PDE4D: variants seen among roughly 807,000 people sequenced by gnomAD.
The protein encoded by PDE4D is 3',5'-cyclic-AMP phosphodiesterase 4D.
Under a neutral mutation model 87.4 loss-of-function variants are expected in PDE4D, and 24 were observed. The observed-to-expected ratio is 0.27, with a 90% confidence interval of 0.20 to 0.39. The LOEUF (loss-of-function observed/expected upper bound fraction) is 0.39, where lower values mean the gene tolerates loss of function less well. Among genes scored for constraint, PDE4D ranks in the 10% least tolerant of loss-of-function variants. PDE4D has a pLI of 1.00. For synonymous variants in PDE4D, 384 were observed against 383.2 expected, an observed-to-expected ratio of 1.00 and a Z score of -0.02; for missense variants, 714 against 1,041.0, an observed-to-expected ratio of 0.69 and a Z score of 4.32.
At chr5:59,315,882 A>G (rs1159043958) in intron 1 of PDE4D, among the ~76,000 whole-genome samples, 1 of 152,188 alleles carries the variant, frequency 6.6e-6, no homozygotes, top group Non-Finnish European at 1.5e-5. Context: ...CAGCTGGCCC[A>G]AAAGGAAGTA....
At chr5:60,364,617 C>T (rs897194152) in intron 1 of PDE4D, among the ~76,000 whole-genome samples, 1 of 151,774 alleles carries the variant, frequency 6.6e-6, no homozygotes, top group South Asian at 2.1e-4. Flanking sequence ...TTTTCTCAAG[C>T]AAAAAAATAA....
At position 59,251,650 on chromosome 5, in the gene PDE4D, G is replaced by A. The variant is rs189793021; in HGVS notation, c.456-35682C>T. Among the ~76,000 whole-genome samples the A allele has an allele frequency of 3.6e-3, 550 of 152,144 alleles. 3 individuals carry two copies. Among genetic ancestry groups the A allele is most frequent in the Non-Finnish European group, 5.0e-3 (340 of 67,970 alleles). On this transcript the variant is annotated intron_variant, in intron 1 of 14. Transcript: ENST00000340635. ...TCAAAGAGCTAAGAGCAGAACTACC[G>A]TTTGACCATGCAATCCTATTACTGG...
chr5:60,318,991 TTG>T lies in PDE4D; in HGVS notation c.-89-133306_-89-133305del, dbSNP rs1367781077. Among the ~76,000 whole-genome samples the T allele has an allele frequency of 3.3e-5, 5 of 152,310 alleles. No homozygotes were observed. In the East Asian group the frequency reaches 9.6e-4, roughly 29 times the overall value. Reference sequence around the variant, plus strand: ...GAGTTGCACTTCTTGAGGAGTATCTTTGTAGCATTTTCTGTATTTCCTGAATT... The same window carrying T: ...GAGTTGCACTTCTTGAGGAGTATCTTTAGCATTTTCTGTATTTCCTGAATT... On this transcript the variant is annotated intron_variant, in intron 1 of 16. Transcript: ENST00000502484.
chr5:59,481,438 C>T (rs1804234408), intron 1 of PDE4D, among the ~76,000 whole-genome samples: 1 of 151,980 alleles, frequency 6.6e-6, no homozygotes. Context: ...GCCATATGTC[C>T]TGAATATATC....
chr5:59,821,280 A>G (rs1581257211), intron 1 of PDE4D, among the ~76,000 whole-genome samples: 1 of 149,786 alleles, frequency 6.7e-6, no homozygotes. Flanking sequence ...ACAACAAAAG[A>G]AAAAGAAATA....
intron 5 of PDE4D, among the ~76,000 whole-genome samples, chr5:59,082,510 T>A (rs1465368825): frequency 6.6e-6 from 1 of 152,094 alleles, no homozygotes; most frequent in Non-Finnish European, 1.5e-5. Context: ...TCAAACATTA[T>A]AAAGCATGTA....
chr5:59,283,684 T>C (rs1766289063), intron 1 of PDE4D, among the ~76,000 whole-genome samples: 1 of 152,122 alleles, frequency 6.6e-6, no homozygotes, highest in East Asian at 1.9e-4. Context: ...CCCTGCTAAG[T>C]ATATTTCCTA....
At chr5:60,135,440 C>T (rs1278129852) in intron 2 of PDE4D, among the ~76,000 whole-genome samples, 1 of 152,016 alleles carries the variant, frequency 6.6e-6, no homozygotes, top group African/African-American at 2.4e-5. Context: ...TGCCTACAGG[C>T]ATATCTCATG....
At chr5:60,310,948 T>A (rs1169048766) in intron 1 of PDE4D, among the ~76,000 whole-genome samples, 6 of 152,070 alleles carry the variant, frequency 3.9e-5, no homozygotes, top group Admixed American at 1.3e-4. Flanking sequence ...TCCCCATACA[T>A]AGGAAATATG....
rs560373377 is a variant in PDE4D, at chr5:59,936,408, G to A, written c.272+52080C>T. On this transcript the variant is annotated intron_variant, in intron 3 of 16. Coordinates refer to the PDE4D transcript ENST00000502484. ...ACTTCAGTCCCATTCTAGACTCCCT[G>A]ATCAGCATCTGAATTTTAATGTGAT... 4.6e-5 allele frequency among the ~76,000 whole-genome samples: 7 copies of A among 152,172 alleles called. No individual in the cohort carries two copies. The East Asian group carries it at 1.2e-3, about 25-fold the overall frequency.
intron 1 of PDE4D, among the ~76,000 whole-genome samples, chr5:60,296,308 G>T (rs138082512): frequency 1.3e-3 from 203 of 152,270 alleles, no homozygotes; most frequent in Middle Eastern, 6.8e-3. Flanking sequence ...GGGCCTCTAG[G>T]CTTTCCATAG....
chr5:60,221,510 A>G (rs1315688338), intron 1 of PDE4D, among the ~76,000 whole-genome samples: 1 of 152,016 alleles, frequency 6.6e-6, no homozygotes, highest in Non-Finnish European at 1.5e-5. Flanking sequence ...TATAATTTAC[A>G]TATAATCTTC....
At chr5:60,433,652 C>T (rs375893626) in intron 1 of PDE4D, among the ~76,000 whole-genome samples, 41 of 152,214 alleles carry the variant, frequency 2.7e-4, no homozygotes, top group African/African-American at 9.9e-4. Flanking sequence ...TTCACAATAA[C>T]AAAGACAAGG....
intron 1 of PDE4D, among the ~76,000 whole-genome samples, chr5:59,776,666 C>A (rs1268917993): frequency 6.6e-6 from 1 of 151,982 alleles, no homozygotes; most frequent in East Asian, 1.9e-4. Flanking sequence ...TATTTGAAAT[C>A]AAAGCATTGT....
chr5:59,478,555 CTATT>C (rs1321949269), intron 1 of PDE4D, among the ~76,000 whole-genome samples: 4 of 152,024 alleles, frequency 2.6e-5, no homozygotes, highest in Non-Finnish European at 5.9e-5. Context: ...GAAAGATCCT[CTATT>C]TGTCAATAAT....
At chr5:60,441,016 A>G (rs1335921653) in intron 1 of PDE4D, among the ~76,000 whole-genome samples, 1 of 152,130 alleles carries the variant, frequency 6.6e-6, no homozygotes, top group East Asian at 1.9e-4. Context: ...AGAATGTGGC[A>G]TAATTGGACC....
intron 1 of PDE4D, among the ~76,000 whole-genome samples, chr5:59,456,445 G>A (rs1357957388): frequency 6.6e-6 from 1 of 152,156 alleles, no homozygotes; most frequent in Non-Finnish European, 1.5e-5. Flanking sequence ...TCCTAGCCAT[G>A]TGGAGCTGAG....
rs143517264 is a variant in PDE4D at position 60,181,085 on chromosome 5, T to C, written c.42+4472A>G. 8.8e-4 allele frequency among the ~76,000 whole-genome samples: 134 copies of C among 152,278 alleles called. 1 individual carries two copies. The East Asian group carries it at 0.024, about 27-fold the overall frequency. ...GAGGAAAAATGAATGCAGATAGCTC[T>C]GAAGTGCCATAACAAAATGTACCAT... is the stretch of plus-strand genomic sequence containing the variant. On this transcript the variant is annotated intron_variant, in intron 2 of 16. Coordinates refer to the PDE4D transcript ENST00000502484.
At chr5:59,963,872 A>G (rs1045883105) in intron 3 of PDE4D, among the ~76,000 whole-genome samples, 1 of 152,182 alleles carries the variant, frequency 6.6e-6, no homozygotes, top group African/African-American at 2.4e-5. Context: ...TGATGAAGGG[A>G]TGGAACTCCT....
Sources: gnomAD v4.1 joint callset for allele counts (sites outside exome capture counted in the v4.1 genomes callset) on GRCh38, gnomAD v4.1.1 for gene constraint, MANE v1.5 for transcripts, NCBI Gene and HGNC (gene_info 2026-07-23, HGNC 2026-07-21) for gene names.